The following SH3RF2 variants were observed in gnomAD, a reference collection of about 807,000 sequenced individuals.
The protein encoded by SH3RF2 is E3 ubiquitin-protein ligase SH3RF2.
Under a neutral mutation model 59.0 loss-of-function variants are expected in SH3RF2, and 43 were observed. That is an observed-to-expected ratio of 0.73 (90% CI 0.57 to 0.94). The LOEUF is 0.94. Among genes scored for constraint, SH3RF2 ranks in the 40% least tolerant of loss-of-function variants. The probability of loss-of-function intolerance (pLI) is 0.00; values close to 1 mark genes in which losing one functional copy is unlikely to be tolerated. For missense variants in SH3RF2, 930 were observed against 940.1 expected (o/e 0.99, Z 0.14); for synonymous variants, 391 against 391.5 (o/e 1.00, Z 0.01).
At chr5:145,938,999 A>C (rs1044825555) in intron 2 of SH3RF2, among the ~76,000 whole-genome samples, 2 of 152,352 alleles carry the variant, frequency 1.3e-5, no homozygotes, top group Middle Eastern at 3.4e-3. Flanking sequence ...TAAAAAACCA[A>C]ACAGACCCAG....
intron 7 of SH3RF2, 102 bp downstream of exon 7, chr5:146,049,347 C>T: frequency 7.2e-7 from 1 of 1,381,320 alleles, no homozygotes; most frequent in Non-Finnish European, 9.8e-7. Flanking sequence ...TTTCAGAAAA[C>T]AGGCCAAGAA....
chr5:146,017,762 A>T (rs1470882207), intron 5 of SH3RF2, among the ~76,000 whole-genome samples: 2 of 152,014 alleles, frequency 1.3e-5, no homozygotes, highest in Non-Finnish European at 2.9e-5. Flanking sequence ...TCTTGCCTAG[A>T]CTATTGCTCC....
chr5:145,964,793 C>A (rs977016052), intron 2 of SH3RF2, among the ~76,000 whole-genome samples: 11 of 152,146 alleles, frequency 7.2e-5, no homozygotes, highest in African/African-American at 2.4e-4. Context: ...ACAAAGCACG[C>A]TCCAGCAGAA....
chr5:146,005,704 A>G (rs1421054358), intron 4 of SH3RF2, among the ~76,000 whole-genome samples: 1 of 152,112 alleles, frequency 6.6e-6, no homozygotes, highest in Non-Finnish European at 1.5e-5. Context: ...TTCAAATTTC[A>G]CTTATTTTAT....
chr5:146,049,560 C>T (rs1315486736), intron 7 of SH3RF2, among the ~76,000 whole-genome samples: 1 of 152,036 alleles, frequency 6.6e-6, no homozygotes, highest in Admixed American at 6.6e-5. Flanking sequence ...AACTGGATGT[C>T]AGGTTTTCTT....
At chr5:145,964,057 C>A (rs1758751422) in intron 2 of SH3RF2, among the ~76,000 whole-genome samples, 1 of 151,956 alleles carries the variant, frequency 6.6e-6, no homozygotes, top group South Asian at 2.1e-4. Context: ...TGGTCTCGAT[C>A]TCCTGACCTC....
At chr5:145,964,823 C>G (rs1291130225) in intron 2 of SH3RF2, among the ~76,000 whole-genome samples, 1 of 152,106 alleles carries the variant, frequency 6.6e-6, no homozygotes, top group Non-Finnish European at 1.5e-5. Context: ...CTCATATGTC[C>G]TGAGATTAAT....
At chr5:146,000,462 C>T in intron 3 of SH3RF2, 135 bp downstream of exon 3, 1 of 688,754 alleles carries the variant, frequency 1.5e-6, no homozygotes, top group Non-Finnish European at 1.9e-6. Context: ...ATATTTTATT[C>T]ATAAAAATAT....
intron 2 of SH3RF2, among the ~76,000 whole-genome samples, chr5:145,950,918 A>T (rs1224302842): frequency 6.6e-6 from 1 of 152,256 alleles, no homozygotes; most frequent in African/African-American, 2.4e-5. Flanking sequence ...CAACCATGTG[A>T]CATGAAATGT....
chr5:146,033,212 A>C (rs1331239274), intron 5 of SH3RF2, among the ~76,000 whole-genome samples: 1 of 152,202 alleles, frequency 6.6e-6, no homozygotes, highest in Non-Finnish European at 1.5e-5. Context: ...TCTGACAAGT[A>C]TTCTGTAAAC....
chr5:146,064,866 G>GAAAGAAAGAAAGAAAGAA (rs1561773964), downstream of SH3RF2, among the ~76,000 whole-genome samples: 3 of 83,988 alleles, frequency 3.6e-5, no homozygotes, highest in Admixed American at 2.4e-4. Flanking sequence ...GAAAGAAAGA[G>GAAAGAAAGAAAGAAAGAA]AAAGAAAAAG....
rs140468141 is a variant in SH3RF2 at position 146,047,818 on chromosome 5, C to T, written c.1106C>T (p.Ala369Val). 1.9e-6 allele frequency: 3 copies of T among 1,614,126 alleles called. No individual in the cohort carries two copies. In the East Asian group the frequency reaches 6.7e-5, roughly 36 times the overall value. Residue 369 changes from alanine (A) to valine (V), a missense_variant, in exon 6 of 10, where the codon GCC becomes GTC. Ala to Val is a moderately conservative substitution (Grantham distance 64). Coordinates refer to ENST00000359120, the MANE Select transcript of SH3RF2 (RefSeq NM_152550.4). ...PAPVSPGHST[A>V]VVSLPGSQQH... ...CCTGTCTCTCCAGGACATTCCACAG[C>T]CGTGGTCAGTCTGCCTGGCTCCCAG...
At chr5:145,996,290 G>T (rs979308921) in intron 2 of SH3RF2, among the ~76,000 whole-genome samples, 1 of 152,170 alleles carries the variant, frequency 6.6e-6, no homozygotes, top group Non-Finnish European at 1.5e-5. Context: ...ACAATGCGAG[G>T]TGATTACATA....
At position 145,944,337 on chromosome 5, in the gene SH3RF2, CTTTT is replaced by C. The variant is rs59087828; in HGVS notation, c.378+6046_378+6049del. Among the ~76,000 whole-genome samples, 222 of 141,082 alleles carry C rather than the reference CTTTT, an allele frequency of 1.6e-3. 1 individual carries two copies. Among genetic ancestry groups the C allele is most frequent in the African/African-American group, 5.6e-3 (215 of 38,522 alleles). The allele number at this position is 141,082 out of a possible 152,430, so 92.6% of individuals were successfully genotyped here. On this transcript the variant is annotated intron_variant, in intron 2 of 9. Transcript: ENST00000359120. The stretch of plus-strand genomic sequence containing the variant: ...GACAACTTTACTCAATTTCTTTTCC[CTTTT>C]TTTTTTTTTTTTTTAAATTATGCTT...
intron 9 of SH3RF2, among the ~76,000 whole-genome samples, chr5:146,073,364 C>T (rs1011729372): frequency 7.9e-5 from 12 of 152,204 alleles, no homozygotes; most frequent in African/African-American, 1.7e-4. Flanking sequence ...TTGCAGCTTC[C>T]CAAGGTTGAC....
At chr5:146,032,539 T>G (rs974657719) in intron 5 of SH3RF2, among the ~76,000 whole-genome samples, 2 of 152,168 alleles carry the variant, frequency 1.3e-5, no homozygotes, top group African/African-American at 2.4e-5. Flanking sequence ...AAAAATGTTG[T>G]CTATTACATA....
chr5:145,992,368 G>A (rs1162115316), intron 2 of SH3RF2, among the ~76,000 whole-genome samples: 2 of 152,118 alleles, frequency 1.3e-5, no homozygotes, highest in Non-Finnish European at 2.9e-5. Context: ...GTGAGACCCT[G>A]TCTCAAAAAA....
chr5:146,008,433 T>C (rs1377440791), intron 4 of SH3RF2, among the ~76,000 whole-genome samples: 1 of 152,158 alleles, frequency 6.6e-6, no homozygotes, highest in Non-Finnish European at 1.5e-5. Context: ...TAAAGAACTT[T>C]ACTCATTCAA....
At chr5:146,066,186 C>A (rs1763099341), downstream of SH3RF2, among the ~76,000 whole-genome samples, 1 of 152,194 alleles carries the variant, frequency 6.6e-6, no homozygotes, top group Non-Finnish European at 1.5e-5. Flanking sequence ...AACCAAAAAC[C>A]CATCCTTGAC....
Sources: gnomAD v4.1 joint callset for allele counts (sites outside exome capture counted in the v4.1 genomes callset) on GRCh38, gnomAD v4.1.1 for gene constraint, MANE v1.5 for transcripts, NCBI Gene and HGNC (gene_info 2026-07-23, HGNC 2026-07-21) for gene names.